Variants in CASQ2 observed in about 807,000 individuals in gnomAD.
CASQ2 encodes calsequestrin 2, also known as calsequestrin-2.
In CASQ2, 49 loss-of-function variants were observed where a neutral mutation model predicts 46.5. The observed-to-expected ratio is 1.05, with a 90% CI of 0.84 to 1.34. CASQ2 has a LOEUF of 1.34. CASQ2 is among the 40% of genes most tolerant of loss of function. The pLI, the probability that CASQ2 is intolerant of heterozygous loss-of-function variation, is 0.00. For synonymous variants in CASQ2, 174 were observed against 168.5 expected, an observed-to-expected ratio of 1.03 and a Z score of -0.25; for missense variants, 486 against 481.3, an observed-to-expected ratio of 1.01 and a Z score of -0.09.
At chr1:115,742,005 G>A (rs1648199389) in intron 2 of CASQ2, among the ~76,000 whole-genome samples, 1 of 152,074 alleles carries the variant, frequency 6.6e-6, no homozygotes, top group Non-Finnish European at 1.5e-5. Context: ...AATGGTAGAG[G>A]CACCATTTGT....
At chr1:115,717,662 C>CA (rs1195863647) in intron 8 of CASQ2, among the ~76,000 whole-genome samples, 178 bp downstream of exon 8, 6 of 152,354 alleles carry the variant, frequency 3.9e-5, no homozygotes, top group African/African-American at 1.4e-4. Context: ...CTTTTCTTCT[C>CA]TTAGCCGTGT....
At chr1:115,702,147 C>T (rs1008199555) in intron 10 of CASQ2, among the ~76,000 whole-genome samples, 7 of 151,970 alleles carry the variant, frequency 4.6e-5, no homozygotes, top group African/African-American at 1.7e-4. Flanking sequence ...GTCTTGAACT[C>T]CTGACCTCAG....
At chr1:115,718,874 G>C (rs555537054) in intron 7 of CASQ2, among the ~76,000 whole-genome samples, 4 of 152,158 alleles carry the variant, frequency 2.6e-5, no homozygotes, top group African/African-American at 4.8e-5. Flanking sequence ...TATCACAAAT[G>C]TGATTCTCAG....
chr1:115,717,994 G>T, intron 7 of CASQ2, 100 bp from the exon 8 acceptor site: 1 of 824,802 alleles, frequency 1.2e-6, no homozygotes. Flanking sequence ...AATAGGAGAG[G>T]TAGGGAGAGG....
intron 1 of CASQ2, among the ~76,000 whole-genome samples, chr1:115,758,512 C>T (rs939799619): frequency 2.6e-5 from 4 of 152,178 alleles, no homozygotes; most frequent in South Asian, 2.1e-4. Context: ...GTAGTTTGGA[C>T]GTTTTTCCCT....
intron 8 of CASQ2, among the ~76,000 whole-genome samples, chr1:115,713,086 G>T (rs1235024502): frequency 6.6e-6 from 1 of 152,046 alleles, no homozygotes; most frequent in Non-Finnish European, 1.5e-5. Context: ...GCCTTTCCTT[G>T]CATTTCCAGC....
chr1:115,729,817 A>T (rs1647726803), intron 5 of CASQ2, among the ~76,000 whole-genome samples: 1 of 152,206 alleles, frequency 6.6e-6, no homozygotes, highest in African/African-American at 2.4e-5. Context: ...TCTTCCCAAC[A>T]TCTATCTTCT....
chr1:115,723,936 A>T (rs985095939), intron 7 of CASQ2, among the ~76,000 whole-genome samples: 2 of 152,202 alleles, frequency 1.3e-5, no homozygotes, highest in East Asian at 1.9e-4. Flanking sequence ...TCTGGACTGG[A>T]TTATTTACCC....
At chr1:115,752,987 G>T (rs72703663) in intron 1 of CASQ2, among the ~76,000 whole-genome samples, 5 of 152,250 alleles carry the variant, frequency 3.3e-5, no homozygotes, top group Non-Finnish European at 5.9e-5. Context: ...GTTTTGGAGA[G>T]AAAAGGGAGA....
chr1:115,755,571 T>C (rs887628106), intron 1 of CASQ2, among the ~76,000 whole-genome samples: 2 of 152,202 alleles, frequency 1.3e-5, no homozygotes, highest in Admixed American at 6.5e-5. Context: ...AAGGAACCTG[T>C]TCCTGCTTGG....
intron 1 of CASQ2, among the ~76,000 whole-genome samples, chr1:115,757,931 C>A (rs898449880): frequency 6.6e-5 from 10 of 152,226 alleles, no homozygotes; most frequent in African/African-American, 2.4e-4. Flanking sequence ...ATCCAACCAT[C>A]CAGCAAACAT....
intron 5 of CASQ2, 43 bp downstream of exon 5, chr1:115,732,858 A>G (rs759490509): frequency 9.6e-6 from 13 of 1,358,476 alleles, no homozygotes; most frequent in African/African-American, 1.4e-5. Context: ...TTAATTCTTC[A>G]TGCCTACAAA....
At chr1:115,712,150 T>A (rs1294512276) in intron 8 of CASQ2, among the ~76,000 whole-genome samples, 2 of 152,116 alleles carry the variant, frequency 1.3e-5, no homozygotes, top group African/African-American at 4.8e-5. Context: ...TTGGGAAACC[T>A]CAGAGGGACA....
In CASQ2 at chr1:115,768,529, G is replaced by C. The variant is rs1649206958; in HGVS notation, c.13C>G (p.His5Asp). The change falls in exon 1 of 11, where the codon CAC (histidine) becomes GAC (aspartate). Residue 5 changes from histidine to aspartate, a missense_variant. Physicochemically the swap from His to Asp is moderately conservative, Grantham distance 81. Coordinates refer to ENST00000261448, the MANE Select transcript of CASQ2 (RefSeq NM_001232.4). ...AAATAAATCCCCACAATAAACAAGT[G>C]AGTTCTCTTCATTTGGGAAAACTTT... is the stretch of plus-strand genomic sequence containing the variant. MKRT[H>D]LFIVGIYFLS... 3 of 1,610,508 alleles carry C rather than the reference G, an allele frequency of 1.9e-6. No homozygotes were observed. The highest frequency in any genetic ancestry group is 1.1e-5 in the South Asian group (1 of 90,996).
intron 1 of CASQ2, among the ~76,000 whole-genome samples, chr1:115,755,622 G>C (rs1648729499): frequency 6.6e-6 from 1 of 152,158 alleles, no homozygotes; most frequent in Non-Finnish European, 1.5e-5. Context: ...TATTTTGATA[G>C]CATCTGCTAA....
intron 7 of CASQ2, among the ~76,000 whole-genome samples, chr1:115,718,523 C>A (rs1462135286): frequency 6.6e-6 from 1 of 152,164 alleles, no homozygotes; most frequent in African/African-American, 2.4e-5. Context: ...GCCTACAGAA[C>A]CCATGTAGTG....
intron 6 of CASQ2, among the ~76,000 whole-genome samples, chr1:115,726,608 G>T (rs908749009): frequency 1.3e-5 from 2 of 152,116 alleles, no homozygotes; most frequent in Non-Finnish European, 2.9e-5. Flanking sequence ...CTGTAAAATT[G>T]GGATAATAAT....
At chr1:115,728,504 A>G (rs1180519470) in intron 5 of CASQ2, among the ~76,000 whole-genome samples, 1 of 152,120 alleles carries the variant, frequency 6.6e-6, no homozygotes, top group African/African-American at 2.4e-5. Flanking sequence ...TGAGGCAGGG[A>G]GCCAGAGTGG....
rs757789935 is a variant in CASQ2 at position 115,768,306 on chromosome 1, A to G, written c.234+2T>C. 6.2e-6 allele frequency: 10 copies of G among 1,602,642 alleles called. No homozygotes were observed. In the South Asian group the frequency reaches 9.9e-5, roughly 16 times the overall value. On this transcript the variant is annotated splice_donor_variant, in intron 1 of 10. Coordinates refer to ENST00000261448, the MANE Select transcript of CASQ2 (RefSeq NM_001232.4). LOFTEE classifies it high-confidence loss of function. ...CAGACAGCATGCCCTTTGGTTACTTACCTCAAGCACGATTTCTTTCAGTTG... is the reference window on the plus strand; with the variant it reads ...CAGACAGCATGCCCTTTGGTTACTTGCCTCAAGCACGATTTCTTTCAGTTG...
Sources: allele counts gnomAD v4.1 joint callset (sites outside exome capture counted in the v4.1 genomes callset), GRCh38; gene constraint gnomAD v4.1.1; transcripts MANE v1.5; gene names NCBI Gene and HGNC (gene_info 2026-07-23, HGNC 2026-07-21).